AGAP1: variants seen among roughly 807,000 people sequenced by gnomAD.
AGAP1 encodes ArfGAP with GTPase domain, ankyrin repeat and PH domain 1, also known as arf-GAP with GTPase, ANK repeat and PH domain-containing protein 1.
In AGAP1, 29 loss-of-function variants were observed where a neutral mutation model predicts 105.3. The ratio of observed to expected loss-of-function variants is 0.28; its 90% CI spans 0.21 to 0.38. AGAP1 has a LOEUF of 0.38. Among genes scored for constraint, AGAP1 ranks in the 10% least tolerant of loss-of-function variants. The probability of loss-of-function intolerance (pLI) is 1.00; values close to 1 mark genes in which losing one functional copy is unlikely to be tolerated. For synonymous variants in AGAP1, 509 were observed against 485.9 expected (o/e 1.05, Z -0.63); for missense variants, 998 against 1,165.1 (o/e 0.86, Z 2.09).
intron 10 of AGAP1, among the ~76,000 whole-genome samples, chr2:235,885,449 C>T (rs2050232060): frequency 6.6e-6 from 1 of 152,210 alleles, no homozygotes; most frequent in Non-Finnish European, 1.5e-5. Context: ...GTCCCCTTGT[C>T]CAATTTGCCT....
chr2:235,634,685 C>T (rs568323019), intron 1 of AGAP1, among the ~76,000 whole-genome samples: 1 of 152,288 alleles, frequency 6.6e-6, no homozygotes, highest in South Asian at 2.1e-4. Context: ...GCTTGTGTTC[C>T]ACATTTTTGT....
chr2:235,900,522 C>G lies in AGAP1; in HGVS notation c.1156-8216C>G, dbSNP rs1474101351. On this transcript the variant is annotated intron_variant, in intron 10 of 17. Transcript: ENST00000304032. This position sits in a 1 kb window ranked among gnomAD's most constrained non-coding sequence, Gnocchi z 5.5. ...ATGGTGAGTGGTGCCACTTCCATTT[C>G]TGCCCCTTGATTCCTGGACCTGTGA... 1.3e-5 allele frequency among the ~76,000 whole-genome samples: 2 copies of G among 152,088 alleles called. No homozygotes were observed. Among genetic ancestry groups the G allele is most frequent in the African/African-American group, 4.8e-5 (2 of 41,404 alleles).
chr2:236,060,642 C>T (rs568404320), intron 16 of AGAP1, among the ~76,000 whole-genome samples: 2 of 152,224 alleles, frequency 1.3e-5, no homozygotes, highest in Non-Finnish European at 2.9e-5. Flanking sequence ...CTGCAGTGAG[C>T]CGTGATCGCA....
rs895138073 is a variant in AGAP1, at chr2:235,970,812, G to C, written c.1645+2189G>C. On this transcript the variant is annotated intron_variant, in intron 13 of 17. Coordinates refer to ENST00000304032, the MANE Select transcript of AGAP1 (RefSeq NM_001037131.3). This position sits in a 1 kb window ranked among gnomAD's most constrained non-coding sequence, Gnocchi z 5.4. ...AAGTTTGACAAGTGACCGTGACCAC[G>C]TTGGACGCCTGATGTTTCAGGTCCA... Among the ~76,000 whole-genome samples the C allele has an allele frequency of 6.6e-6, 1 of 152,200 alleles. No individual in the cohort carries two copies. The highest frequency in any genetic ancestry group is 1.5e-5 in the Non-Finnish European group (1 of 68,030).
In AGAP1 at chr2:235,872,011, T is replaced by C. The variant is rs1219357350; in HGVS notation, c.1051-11334T>C. Among the ~76,000 whole-genome samples the C allele has an allele frequency of 6.6e-6, 1 of 152,238 alleles. No individual in the cohort carries two copies. The highest frequency in any genetic ancestry group is 1.5e-5 in the Non-Finnish European group (1 of 68,038). On this transcript the variant is annotated intron_variant, in intron 9 of 17. Transcript: ENST00000304032. The surrounding 1 kb of genome is among the most constrained non-coding windows in gnomAD (Gnocchi z 4.5). ...CATAAGCAGTCTGTTTCAGTGTCCT[T>C]ATCCATGAAATGAGAATCGTCGTGG...
chr2:235,730,583 C>T (rs952186672), intron 3 of AGAP1, among the ~76,000 whole-genome samples: 16 of 150,866 alleles, frequency 1.1e-4, no homozygotes, highest in African/African-American at 3.7e-4. Flanking sequence ...TGGGTTCAAG[C>T]GATCTTCTTG....
intron 13 of AGAP1, 130 bp downstream of exon 13, chr2:235,968,753 C>T: frequency 1.0e-6 from 1 of 992,898 alleles, no homozygotes; most frequent in Non-Finnish European, 1.5e-6. Context: ...TATGTGCTTT[C>T]TGTTTGCAAG....
In AGAP1 at chr2:236,014,911, C is replaced by A. The variant is rs1420376365; in HGVS notation, c.1646-21650C>A. ...CCTCCGCACCTCCACCCGCCCACAC[C>A]TCCACCTGCCTCTTCCCCTCTCATC... On this transcript the variant is annotated intron_variant, in intron 13 of 17. Coordinates refer to ENST00000304032, the MANE Select transcript of AGAP1 (RefSeq NM_001037131.3). This position sits in a 1 kb window ranked among gnomAD's most constrained non-coding sequence, Gnocchi z 6.3. 2.7e-6 allele frequency: 1 copy of A among 375,944 alleles called. No homozygotes were observed. Among genetic ancestry groups the A allele is most frequent in the Non-Finnish European group, 5.5e-6 (1 of 181,182 alleles). 23.3% of individuals were successfully genotyped at this position (375,944 alleles called of 1,614,324 possible).
At chr2:235,794,652 A>G (rs1957158886) in intron 6 of AGAP1, among the ~76,000 whole-genome samples, 1 of 152,088 alleles carries the variant, frequency 6.6e-6, no homozygotes, top group Non-Finnish European at 1.5e-5. Context: ...TTGTATTTTT[A>G]GTAGAGACGG....
rs1484859315 is a variant in AGAP1 at position 236,009,171 on chromosome 2, T to C, written c.1646-27390T>C. Among the ~76,000 whole-genome samples the C allele has an allele frequency of 1.3e-5, 2 of 152,140 alleles. No individual in the cohort carries two copies. The highest frequency in any genetic ancestry group is 2.1e-4 in the South Asian group (1 of 4,826). ...GAAGAATCTTCTGGGTTGCATCTTA[T>C]GAAAAAAAGAAATCCACTGCCTTTT... On this transcript the variant is annotated intron_variant, in intron 13 of 17. Transcript: ENST00000304032. This position sits in a 1 kb window ranked among gnomAD's most constrained non-coding sequence, Gnocchi z 4.2.
intron 11 of AGAP1, among the ~76,000 whole-genome samples, chr2:235,916,698 G>C (rs1309459579): frequency 6.6e-6 from 1 of 152,228 alleles, no homozygotes; most frequent in South Asian, 2.1e-4. Flanking sequence ...CCTTTGAAAA[G>C]CTTGGCCGAT....
intron 1 of AGAP1, among the ~76,000 whole-genome samples, chr2:235,579,030 GTAC>G (rs1944834615): frequency 6.6e-6 from 1 of 152,134 alleles, no homozygotes; most frequent in South Asian, 2.1e-4. Context: ...AAGTTAAAAG[GTAC>G]CCAGTTGAAT....
chr2:235,854,927 C>T (rs926359239), intron 9 of AGAP1, among the ~76,000 whole-genome samples: 8 of 106,674 alleles, frequency 7.5e-5, no homozygotes, highest in African/African-American at 2.9e-4. Flanking sequence ...GAGCCCAGGA[C>T]GTTTGGTCAG....
chr2:235,670,643 G>T lies in AGAP1; in HGVS notation c.164-38536G>T, dbSNP rs768714826. On this transcript the variant is annotated intron_variant, in intron 1 of 17. Transcript: ENST00000304032. ...GCGCCACAGCAGCTCCGGGAGCCTG[G>T]CCTGGGCGCCGTGCGACGAGGCCGC... is the stretch of plus-strand genomic sequence containing the variant. The T allele has an allele frequency of 2.3e-4, 147 of 634,404 alleles. No homozygotes were observed. Among genetic ancestry groups the T allele is most frequent in the Non-Finnish European group, 3.9e-4 (140 of 354,732 alleles). 39.3% of individuals were successfully genotyped at this position (634,404 alleles called of 1,614,324 possible).
chr2:235,828,317 G>A (rs1465426221), intron 9 of AGAP1, among the ~76,000 whole-genome samples: 1 of 152,088 alleles, frequency 6.6e-6, no homozygotes, highest in African/African-American at 2.4e-5. Context: ...GTGTATCCCA[G>A]ACCCCTAGAG....
rs946255262 is a variant in AGAP1, at chr2:235,566,401, C to T, written c.163+71552C>T. Reference sequence around the variant, plus strand: ...ATTTTTCAATGCATTGCAAAGTCAACGGCAGACTGAAGGACTGCCGCATGC... The same window carrying T: ...ATTTTTCAATGCATTGCAAAGTCAATGGCAGACTGAAGGACTGCCGCATGC... On this transcript the variant is annotated intron_variant, in intron 1 of 17. Coordinates refer to ENST00000304032, the MANE Select transcript of AGAP1 (RefSeq NM_001037131.3). The surrounding 1 kb of genome is among the most constrained non-coding windows in gnomAD (Gnocchi z 5.2). Among the ~76,000 whole-genome samples, 9 of 152,156 alleles carry T rather than the reference C, an allele frequency of 5.9e-5. No homozygotes were observed. The highest frequency in any genetic ancestry group is 3.9e-4 in the East Asian group (2 of 5,192).
chr2:235,771,604 C>G (rs533550708), intron 6 of AGAP1, among the ~76,000 whole-genome samples: 1 of 152,338 alleles, frequency 6.6e-6, no homozygotes, highest in Admixed American at 6.5e-5. Context: ...GAGTGATCCC[C>G]ACCTGGAGAG....
rs902407874 is a variant in AGAP1, at chr2:235,888,928, A to T, written c.1155+5479A>T. On this transcript the variant is annotated intron_variant, in intron 10 of 17. Transcript: ENST00000304032. This position sits in a 1 kb window ranked among gnomAD's most constrained non-coding sequence, Gnocchi z 4.8. ...GGAAGCAGGAGACTGACCATTTCCTAACCTTGCCAAAAACTCTGGGTGAGG... is the reference window on the plus strand; with the variant it reads ...GGAAGCAGGAGACTGACCATTTCCTTACCTTGCCAAAAACTCTGGGTGAGG... Among the ~76,000 whole-genome samples, 1 of 152,076 alleles carries T rather than the reference A, an allele frequency of 6.6e-6. No individual in the cohort carries two copies. The highest frequency in any genetic ancestry group is 1.5e-5 in the Non-Finnish European group (1 of 68,010).
rs115877420 is a variant in AGAP1, at chr2:236,053,135, G to A, written c.2114+3854G>A. ...GCCAGGCGGGGCTCTGGGTTCCAGT[G>A]TTAGAGGTACATGGTGTTACTGTAA... is the stretch of plus-strand genomic sequence containing the variant. On this transcript the variant is annotated intron_variant, in intron 16 of 17. Transcript: ENST00000304032. This position sits in a 1 kb window ranked among gnomAD's most constrained non-coding sequence, Gnocchi z 4.6. Among the ~76,000 whole-genome samples the A allele has an allele frequency of 6.1e-3, 931 of 152,340 alleles. 14 individuals carry two copies. Among genetic ancestry groups the A allele is most frequent in the African/African-American group, 0.021 (863 of 41,568 alleles).
Sources: gnomAD v4.1 joint callset for allele counts (sites outside exome capture counted in the v4.1 genomes callset) on GRCh38, gnomAD v4.1.1 for gene constraint, Gnocchi (gnomAD v3.1) non-coding constraint, MANE v1.5 for transcripts, NCBI Gene and HGNC (gene_info 2026-07-23, HGNC 2026-07-21) for gene names.